The following ARNT variants were observed in gnomAD, a reference collection of about 807,000 sequenced individuals.
The protein encoded by ARNT is class E basic helix-loop-helix protein 2.
In ARNT, 30 loss-of-function variants were observed where a neutral mutation model predicts 105.0. That is an observed-to-expected ratio of 0.29 (90% CI 0.21 to 0.39). The LOEUF (loss-of-function observed/expected upper bound fraction) is 0.39, where lower values mean the gene tolerates loss of function less well. ARNT is among the 10% of genes least tolerant of loss of function. The pLI, the probability that ARNT is intolerant of heterozygous loss-of-function variation, is 1.00. For missense variants in ARNT, 748 were observed against 978.7 expected, an observed-to-expected ratio of 0.76 and a Z score of 3.15; for synonymous variants, 304 against 344.0, an observed-to-expected ratio of 0.88 and a Z score of 1.29.
chr1:150,846,656 T>A (rs933184785), intron 3 of ARNT, among the ~76,000 whole-genome samples: 1 of 152,190 alleles, frequency 6.6e-6, no homozygotes, highest in Non-Finnish European at 1.5e-5. Context: ...TGTATACCAT[T>A]TTTAAGTGTA....
intron 17 of ARNT, 78 bp from the exon 18 acceptor site, chr1:150,816,968 G>A (rs1453982405): frequency 1.2e-6 from 2 of 1,600,916 alleles, no homozygotes; most frequent in African/African-American, 1.3e-5. Flanking sequence ...TATTTACTCA[G>A]GTGGTATTAT....
At chr1:150,845,680 G>A (rs1460111643) in intron 4 of ARNT, among the ~76,000 whole-genome samples, 2 of 152,012 alleles carry the variant, frequency 1.3e-5, no homozygotes, top group East Asian at 3.9e-4. Context: ...GAGGCGGGCG[G>A]ATCACAAGGT....
At chr1:150,829,038 TA>T in intron 12 of ARNT, 54 bp downstream of exon 12, 3 of 1,595,702 alleles carry the variant, frequency 1.9e-6, no homozygotes, top group Non-Finnish European at 2.6e-6. Flanking sequence ...CATGATTACA[TA>T]ATGTCAACAT....
chr1:150,867,301 G>A (rs888000542), intron 1 of ARNT, among the ~76,000 whole-genome samples: 3 of 151,816 alleles, frequency 2.0e-5, no homozygotes, highest in Non-Finnish European at 4.4e-5. Flanking sequence ...AGACCAAGAT[G>A]GGGGGACTAC....
At chr1:150,819,631 C>A (rs1026470341) in intron 14 of ARNT, among the ~76,000 whole-genome samples, 2 of 152,108 alleles carry the variant, frequency 1.3e-5, no homozygotes, top group Non-Finnish European at 2.9e-5. Context: ...GTACAGATAA[C>A]CTCTGTAAAC....
At chr1:150,814,272 A>G in intron 19 of ARNT, 33 bp from the exon 20 acceptor site, 1 of 1,604,434 alleles carries the variant, frequency 6.2e-7, no homozygotes, top group South Asian at 1.1e-5. Flanking sequence ...TATAGAACAA[A>G]TACAGCATTA....
chr1:150,839,370 T>C (rs1220543239), intron 6 of ARNT, 71 bp downstream of exon 6: 10 of 1,522,286 alleles, frequency 6.6e-6, no homozygotes, highest in Non-Finnish European at 8.1e-6. Context: ...TGAATTCTTG[T>C]CCAAAAAACG....
At chr1:150,848,933 G>A (rs933758112) in intron 3 of ARNT, among the ~76,000 whole-genome samples, 2 of 152,192 alleles carry the variant, frequency 1.3e-5, no homozygotes, top group African/African-American at 4.8e-5. Context: ...GCCGGGTGTG[G>A]TGGCTCATGC....
rs1441165384 is a variant in ARNT, at chr1:150,819,840, T to TA, written c.1395-1811dup. Among the ~76,000 whole-genome samples the TA allele has an allele frequency of 2.0e-4, 30 of 152,184 alleles. 1 individual carries two copies. The highest frequency in any genetic ancestry group is 9.2e-4 in the Admixed American group (14 of 15,268). ...TGGGGGAATGAAAATATTCTGAAAT[T>TA]AGACTGCAGTAAGAGTTACATAACT... On this transcript the variant is annotated intron_variant, in intron 14 of 21. Coordinates refer to ENST00000358595, the MANE Select transcript of ARNT (RefSeq NM_001668.4).
intron 1 of ARNT, among the ~76,000 whole-genome samples, chr1:150,867,608 G>A (rs10305660): frequency 0.02 from 3,016 of 152,208 alleles, 32 homozygotes; most frequent in Non-Finnish European, 0.031. Flanking sequence ...GAAATTTTTG[G>A]AGTCTTTTAT....
At chr1:150,817,575 A>G in intron 15 of ARNT, 142 bp from the exon 16 acceptor site, 1 of 740,050 alleles carries the variant, frequency 1.4e-6, no homozygotes, top group Non-Finnish European at 2.2e-6. Flanking sequence ...TGGGAGGCCG[A>G]AGCAGGTGGA....
intron 6 of ARNT, among the ~76,000 whole-genome samples, chr1:150,838,183 A>G (rs1427225007): frequency 1.3e-5 from 2 of 152,188 alleles, no homozygotes; most frequent in Non-Finnish European, 2.9e-5. Flanking sequence ...TACCAAAAAC[A>G]TGCTAAACCA....
intron 6 of ARNT, among the ~76,000 whole-genome samples, chr1:150,839,173 T>C (rs902986157): frequency 5.9e-5 from 9 of 152,244 alleles, no homozygotes; most frequent in East Asian, 3.8e-4. Flanking sequence ...ATTTCCTCTG[T>C]GATTCCACTG....
chr1:150,841,186 G>A (rs1661242801), intron 5 of ARNT, among the ~76,000 whole-genome samples: 1 of 150,124 alleles, frequency 6.7e-6, no homozygotes, highest in East Asian at 1.9e-4. Context: ...TCTTGACCTC[G>A]TGATCTGCCT....
At position 150,811,335 on chromosome 1, in the gene ARNT, C is replaced by T. The variant is rs1171836027; in HGVS notation, c.*686G>A. The T allele has an allele frequency of 4.3e-6, 1 of 233,496 alleles. No individual in the cohort carries two copies. 14.5% of individuals were successfully genotyped at this position (233,496 alleles called of 1,614,324 possible). A position where few individuals can be genotyped will look rare whatever the true frequency, so the allele number is the denominator to read the frequency against. On this transcript the variant is annotated 3_prime_UTR_variant, in exon 22 of 22. Coordinates refer to ENST00000358595, the MANE Select transcript of ARNT (RefSeq NM_001668.4). Reference sequence around the variant, plus strand: ...TGGCTGCAATACTAAGTGGAAAATACCTGGAAGATTTAACTCCTTAGGACT... The same window carrying T: ...TGGCTGCAATACTAAGTGGAAAATATCTGGAAGATTTAACTCCTTAGGACT...
chr1:150,865,378 C>A (rs1400575194), intron 1 of ARNT, among the ~76,000 whole-genome samples: 1 of 152,024 alleles, frequency 6.6e-6, no homozygotes, highest in Non-Finnish European at 1.5e-5. Flanking sequence ...CTTGGGAGAT[C>A]GACAAGAACT....
intron 8 of ARNT, among the ~76,000 whole-genome samples, chr1:150,833,140 A>G (rs893668247): frequency 4.6e-5 from 7 of 151,988 alleles, no homozygotes; most frequent in Non-Finnish European, 1.0e-4. Context: ...AGAAGATAGC[A>G]TCAAAGCTAG....
intron 2 of ARNT, among the ~76,000 whole-genome samples, chr1:150,857,185 T>C (rs1457263466): frequency 6.6e-6 from 1 of 152,232 alleles, no homozygotes; most frequent in Admixed American, 6.5e-5. Context: ...TCTTAATAGA[T>C]TGTGAACATC....
At chr1:150,859,317 G>A (rs1444304584) in intron 1 of ARNT, among the ~76,000 whole-genome samples, 4 of 147,860 alleles carry the variant, frequency 2.7e-5, no homozygotes, top group East Asian at 4.0e-4. Flanking sequence ...TCATCCCCCA[G>A]CAGTAACCAT....
Sources: allele counts gnomAD v4.1 joint callset (sites outside exome capture counted in the v4.1 genomes callset), GRCh38; gene constraint gnomAD v4.1.1; transcripts MANE v1.5; gene names NCBI Gene and HGNC (gene_info 2026-07-23, HGNC 2026-07-21).